KIF1A: variants seen among roughly 807,000 people sequenced by gnomAD.
The protein encoded by KIF1A is kinesin-like protein KIF1A.
In KIF1A, 46 loss-of-function variants were observed where a neutral mutation model predicts 227.3. That is an observed-to-expected ratio of 0.20 (90% CI 0.16 to 0.26). The LOEUF is 0.26. Among genes scored for constraint, KIF1A ranks in the 10% least tolerant of loss-of-function variants. KIF1A has a pLI of 1.00. For missense variants in KIF1A, 1,683 were observed against 2,485.9 expected, an observed-to-expected ratio of 0.68 and a Z score of 6.87; for synonymous variants, 1,022 against 1,012.8, an observed-to-expected ratio of 1.01 and a Z score of -0.17.
chr2:240,772,515 C>A, intron 14 of KIF1A, 55 bp downstream of exon 14: 1 of 1,493,022 alleles, frequency 6.7e-7, no homozygotes. Context: ...CCTAGGCCCT[C>A]ATGCTGGCTG....
chr2:240,783,914 C>G (rs2054389836), intron 7 of KIF1A, 98 bp from the exon 8 acceptor site: 2 of 948,532 alleles, frequency 2.1e-6, no homozygotes, highest in Non-Finnish European at 3.3e-6. Flanking sequence ...TGAAGGAGCC[C>G]TGGCCAAGCG....
In KIF1A at chr2:240,758,617, G is replaced by C. The variant is rs1158107507; in HGVS notation, c.2445-120C>G. On this transcript the variant is annotated intron_variant, in intron 25 of 48. Transcript: ENST00000498729. The surrounding 1 kb of genome is among the most constrained non-coding windows in gnomAD (Gnocchi z 5.2). Reference sequence around the variant, plus strand: ...AGCTCTGGCCACCACATCCAGCTCAGGGTCATCAAGGTCCAGGGGGCTTGC... The same window carrying C: ...AGCTCTGGCCACCACATCCAGCTCACGGTCATCAAGGTCCAGGGGGCTTGC... 9.6e-7 allele frequency: 1 copy of C among 1,042,012 alleles called. No homozygotes were observed. The highest frequency in any genetic ancestry group is 1.6e-5 in the African/African-American group (1 of 61,392). 64.5% of individuals were successfully genotyped at this position (1,042,012 alleles called of 1,614,324 possible).
intron 35 of KIF1A, 49 bp downstream of exon 35, chr2:240,741,220 A>G: frequency 1.5e-6 from 2 of 1,296,612 alleles, no homozygotes. Context: ...CTCTCCGCGC[A>G]CCCCCCGACA....
At chr2:240,762,595 A>G in intron 23 of KIF1A, 124 bp downstream of exon 23, 1 of 1,318,926 alleles carries the variant, frequency 7.6e-7, no homozygotes, top group Non-Finnish European at 9.8e-7. Context: ...CTTTCCCTAA[A>G]GAGACAGGTC....
Position 240,789,827 on chromosome 2 carries a change from T to C in KIF1A, c.107-515A>G, listed in dbSNP as rs2055438851. On this transcript the variant is annotated intron_variant, in intron 2 of 48. Coordinates refer to ENST00000498729, the MANE Select transcript of KIF1A (RefSeq NM_001244008.2). The surrounding 1 kb of genome is among the most constrained non-coding windows in gnomAD (Gnocchi z 4.8). The stretch of plus-strand genomic sequence containing the variant: ...CTCCAGACAGAGCTCTATGGGACTG[T>C]CTTCTGCCAGAGTCCCTCCTCCCCC... Among the ~76,000 whole-genome samples the C allele has an allele frequency of 6.6e-6, 1 of 152,094 alleles. No individual in the cohort carries two copies. The highest frequency in any genetic ancestry group is 1.5e-5 in the Non-Finnish European group (1 of 68,000).
Position 240,777,795 on chromosome 2 carries a change from G to A in KIF1A, c.883-1869C>T, listed in dbSNP as rs893680878. ...GACGGGCCCGGCTCCTGCCGGCCTC[G>A]CCTCCCTGCTCTGGGCCTGGCTCCT... On this transcript the variant is annotated intron_variant, in intron 10 of 48. Coordinates refer to ENST00000498729, the MANE Select transcript of KIF1A (RefSeq NM_001244008.2). Among the ~76,000 whole-genome samples, 6 of 152,304 alleles carry A rather than the reference G, an allele frequency of 3.9e-5. 1 individual carries two copies. Among genetic ancestry groups the A allele is most frequent in the South Asian group, 4.1e-4 (2 of 4,830 alleles).
At chr2:240,785,444 C>CTGT (rs2054611004) in intron 6 of KIF1A, among the ~76,000 whole-genome samples, 1 of 152,358 alleles carries the variant, frequency 6.6e-6, no homozygotes, top group Non-Finnish European at 1.5e-5. Context: ...GGGGAAAGGG[C>CTGT]TGTCCACTGT....
chr2:240,718,130 G>C lies in KIF1A; in HGVS notation c.5253C>G (p.Gly1751=), dbSNP rs1335411801. The C allele has an allele frequency of 2.5e-6, 4 of 1,610,122 alleles. No individual in the cohort carries two copies. Among genetic ancestry groups the C allele is most frequent in the Non-Finnish European group, 3.4e-6 (4 of 1,178,828 alleles). The change falls in exon 48 of 49, where the codon GGC becomes GGG. Residue 1751 remains glycine (G), a synonymous_variant. Coordinates refer to ENST00000498729, the MANE Select transcript of KIF1A (RefSeq NM_001244008.2). ...TGTCGCTGGCGGCCTGCAGCAGGATGCCGCGGTGTTCCGTGCACACCGCGA... is the reference window on the plus strand; with the variant it reads ...TGTCGCTGGCGGCCTGCAGCAGGATCCCGCGGTGTTCCGTGCACACCGCGA... ...NTFAVCTEHR[G]ILLQAASDKD...
chr2:240,743,361 C>T (rs1575559028), intron 33 of KIF1A, among the ~76,000 whole-genome samples: 2 of 152,330 alleles, frequency 1.3e-5, no homozygotes, highest in Admixed American at 1.3e-4. Context: ...GAAGAAAGGG[C>T]CCACCCGAGG....
chr2:240,796,108 C>A (rs1575651470), intron 2 of KIF1A, among the ~76,000 whole-genome samples: 1 of 152,282 alleles, frequency 6.6e-6, no homozygotes, highest in Admixed American at 6.5e-5. Flanking sequence ...GCGTCCTCTG[C>A]CCACCCCGGG....
chr2:240,759,962 G>A (rs1213437454), intron 25 of KIF1A, among the ~76,000 whole-genome samples: 1 of 151,772 alleles, frequency 6.6e-6, no homozygotes, highest in East Asian at 1.9e-4. Context: ...GCTGCAGCGA[G>A]CCATGATCAC....
At chr2:240,804,949 A>G (rs1304507710) in intron 1 of KIF1A, among the ~76,000 whole-genome samples, 1 of 151,298 alleles carries the variant, frequency 6.6e-6, no homozygotes, top group African/African-American at 2.4e-5. Flanking sequence ...AATATTACCA[A>G]ACACTGGGAG....
chr2:240,748,600 G>T, intron 28 of KIF1A: 1 of 214,532 alleles, frequency 4.7e-6, no homozygotes. Context: ...ACCTCCTGGA[G>T]GGGAGACAGA....
chr2:240,771,506 CTCCAGGCCCCACT>C (rs1472771701), intron 14 of KIF1A, among the ~76,000 whole-genome samples: 3 of 152,132 alleles, frequency 2.0e-5, no homozygotes, highest in Non-Finnish European at 2.9e-5. Context: ...CACAGCTGCA[CTCCAGGCCCCACT>C]GCCAGGCCAC....
chr2:240,796,739 C>G (rs894156067), intron 2 of KIF1A, among the ~76,000 whole-genome samples: 1 of 152,136 alleles, frequency 6.6e-6, no homozygotes, highest in African/African-American at 2.4e-5. Context: ...AAGGATCATC[C>G]CTGGGCCAGA....
rs1451323467 is a variant in KIF1A at position 240,725,245 on chromosome 2, T to A, written c.4256+26A>T. On this transcript the variant is annotated intron_variant, in intron 40 of 48. Transcript: ENST00000498729. This position sits in a 1 kb window ranked among gnomAD's most constrained non-coding sequence, Gnocchi z 5.8. ...GCACCGAGACCAGGGTGGGAGTCCA[T>A]GTGGTCCTCACCCCTGGGAGCTTAC... The A allele has an allele frequency of 5.7e-6, 9 of 1,578,554 alleles. No individual in the cohort carries two copies. The highest frequency in any genetic ancestry group is 7.7e-6 in the Non-Finnish European group (9 of 1,163,068).
At chr2:240,774,151 G>A (rs768658482) in intron 12 of KIF1A, 32 bp downstream of exon 12, 18 of 1,420,036 alleles carry the variant, frequency 1.3e-5, no homozygotes, top group Non-Finnish European at 1.8e-5. Context: ...CCAGGGAGCG[G>A]GAAGCAGAGC....
chr2:240,747,353 C>G (rs375815477), intron 28 of KIF1A, 32 bp from the exon 29 acceptor site: 237 of 1,580,926 alleles, frequency 1.5e-4, no homozygotes, highest in Admixed American at 2.2e-4. Context: ...TGGTTGGAGC[C>G]CAGCTTGTCC....
At chr2:240,802,351 T>C (rs139564500) in intron 1 of KIF1A, among the ~76,000 whole-genome samples, 124 of 152,320 alleles carry the variant, frequency 8.1e-4, no homozygotes, top group Non-Finnish European at 1.3e-3. Context: ...TTAAAATTTA[T>C]TGTATGAATC....
Sources: gnomAD v4.1 joint callset for allele counts (sites outside exome capture counted in the v4.1 genomes callset) on GRCh38, gnomAD v4.1.1 for gene constraint, Gnocchi (gnomAD v3.1) non-coding constraint, MANE v1.5 for transcripts, NCBI Gene and HGNC (gene_info 2026-07-23, HGNC 2026-07-21) for gene names.